Variants in WBP11 observed in about 807,000 individuals in gnomAD.
WBP11 encodes WW domain-binding protein 11.
WBP11 carries 12 observed loss-of-function variants against 66.7 expected under a neutral mutation model. That is an observed-to-expected ratio of 0.18 (90% confidence interval 0.12 to 0.29). WBP11 has a LOEUF of 0.29. Ranked by LOEUF, WBP11 falls within the 10% of genes least tolerant of loss-of-function variation. WBP11 has a pLI of 1.00. For missense variants in WBP11, 555 were observed against 818.3 expected (o/e 0.68, Z 3.93); for synonymous variants, 255 against 273.8 (o/e 0.93, Z 0.68).
At position 14,791,254 on chromosome 12, in the gene WBP11, A is replaced by T; in HGVS notation, c.930T>A (p.Phe310Leu). Residue 310 changes from phenylalanine (F) to leucine (L), a missense_variant, in exon 9 of 12, where the codon TTT becomes TTA. Physicochemically the swap from Phe to Leu is conservative, Grantham distance 22. Around this residue, in one of 6 missense-constraint regions of WBP11, gnomAD observed 220 missense variants for 268.2 expected, o/e 0.82. Transcript: ENST00000261167. ...EEKKSGLSVR[F>L]ADMPGKSRKK... ...TCCTTGATTTTCCAGGCATATCTGCAAACCGTACACTCAGACCTAAGGGGA... is the reference window on the plus strand; with the variant it reads ...TCCTTGATTTTCCAGGCATATCTGCTAACCGTACACTCAGACCTAAGGGGA... The T allele has an allele frequency of 6.2e-7, 1 of 1,614,096 alleles. No homozygotes were observed. Among genetic ancestry groups the T allele is most frequent in the Non-Finnish European group, 8.5e-7 (1 of 1,179,992 alleles).
In WBP11 at chr12:14,794,649, G is replaced by A; in HGVS notation, c.609C>T (p.Pro203=). The change falls in exon 7 of 12, where the codon CCC becomes CCT. Residue 203 remains proline (P), a synonymous_variant. Coordinates refer to ENST00000261167, the MANE Select transcript of WBP11 (RefSeq NM_016312.3). ...LPPGRKPPGP[P]PGPPPPQVVQ... ...CGACTTGAGGAGGAGGTGGACCAGG[G>A]GGAGGGCCAGGAGGTTTTCTGCCAG... 2 of 1,613,736 alleles carry A rather than the reference G, an allele frequency of 1.2e-6. No homozygotes were observed. Among genetic ancestry groups the A allele is most frequent in the East Asian group, 2.2e-5 (1 of 44,856 alleles).
At chr12:14,788,174 G>A (rs1450810056) in intron 11 of WBP11, among the ~76,000 whole-genome samples, 1 of 152,184 alleles carries the variant, frequency 6.6e-6, no homozygotes. Flanking sequence ...AGGAGGCGGA[G>A]GTTGCAGTGA....
chr12:14,801,234 A>G (rs1194044482), intron 2 of WBP11, 86 bp downstream of exon 2: 4 of 1,357,762 alleles, frequency 2.9e-6, no homozygotes, highest in Non-Finnish European at 4.2e-6. Flanking sequence ...CTGGTCTTGT[A>G]ATTAAGCCAC....
chr12:14,785,544 A>G lies in WBP11; in HGVS notation c.*1521T>C, dbSNP rs1319333372. On this transcript the variant is annotated 3_prime_UTR_variant, in exon 12 of 12. Coordinates refer to ENST00000261167, the MANE Select transcript of WBP11 (RefSeq NM_016312.3). The stretch of plus-strand genomic sequence containing the variant: ...CTAAAAAACCAACCCAAAACGGTCT[A>G]TTTAGTGCTTTGGCAGGATTTGCTT... 1 of 152,194 alleles carries G rather than the reference A, an allele frequency of 6.6e-6. No individual in the cohort carries two copies. The highest frequency in any genetic ancestry group is 1.5e-5 in the Non-Finnish European group (1 of 68,014). The allele number at this position is 152,194 out of a possible 1,614,324, so 9.4% of individuals were successfully genotyped here.
intron 1 of WBP11, among the ~76,000 whole-genome samples, chr12:14,802,919 T>C (rs1949983403): frequency 6.6e-6 from 1 of 152,112 alleles, no homozygotes. Context: ...GGAGCTTAAG[T>C]CTGCAGATTA....
chr12:14,801,374 T>C lies in WBP11; in HGVS notation c.10A>G (p.Arg4Gly). The change falls in exon 2 of 12, where the codon AGA becomes GGA. Residue 4 changes from arginine (R) to glycine (G), a missense_variant. Transcript: ENST00000261167. MGR[R>G]STSSTKSGKF... ...CCACTCTTGGTGGATGATGTAGATC[T>C]CCGTCCCATGTTGACAATTTGTATG... The C allele has an allele frequency of 6.2e-7, 1 of 1,613,230 alleles. No homozygotes were observed. Among genetic ancestry groups the C allele is most frequent in the Non-Finnish European group, 8.5e-7 (1 of 1,179,638 alleles).
At chr12:14,793,139 A>G (rs1021975972) in intron 8 of WBP11, among the ~76,000 whole-genome samples, 2 of 152,218 alleles carry the variant, frequency 1.3e-5, no homozygotes, top group Non-Finnish European at 2.9e-5. Flanking sequence ...AAACAATCCC[A>G]AAAGAAGCTC....
At position 14,785,770 on chromosome 12, in the gene WBP11, T is replaced by A. The variant is rs1322956693; in HGVS notation, c.*1295A>T. 1 of 152,332 alleles carries A rather than the reference T, an allele frequency of 6.6e-6. No individual in the cohort carries two copies. The allele number at this position is 152,332 out of a possible 1,614,324, so 9.4% of individuals were successfully genotyped here. ...ATTTGAGATACTGTGGAAAGTAACGTATGCCTAAACAATGCACGCACTGTG... is the reference window on the plus strand; with the variant it reads ...ATTTGAGATACTGTGGAAAGTAACGAATGCCTAAACAATGCACGCACTGTG... On this transcript the variant is annotated 3_prime_UTR_variant, in exon 12 of 12. Transcript: ENST00000261167.
intron 1 of WBP11, among the ~76,000 whole-genome samples, chr12:14,802,773 A>C (rs527272268): frequency 6.6e-6 from 1 of 152,184 alleles, no homozygotes; most frequent in African/African-American, 2.4e-5. Flanking sequence ...GTACATATAC[A>C]AGCTCTCCCA....
Position 14,786,180 on chromosome 12 carries a change from G to A in WBP11, c.*885C>T, listed in dbSNP as rs1949752548. 1 of 152,154 alleles carries A rather than the reference G, an allele frequency of 6.6e-6. No homozygotes were observed. Among genetic ancestry groups the A allele is most frequent in the Non-Finnish European group, 1.5e-5 (1 of 68,008 alleles). The allele number at this position is 152,154 out of a possible 1,614,324, so 9.4% of individuals were successfully genotyped here. ...TGCCATTCAACTCGTATCAGTTCAA[G>A]AAGCTCTGGAATAAGTAACCACTGA... is the stretch of plus-strand genomic sequence containing the variant. On this transcript the variant is annotated 3_prime_UTR_variant, in exon 12 of 12. Transcript: ENST00000261167.
chr12:14,793,054 GAC>G (rs1949840064), intron 8 of WBP11, among the ~76,000 whole-genome samples: 1 of 151,892 alleles, frequency 6.6e-6, no homozygotes, highest in South Asian at 2.1e-4. Context: ...TGATTCTTAA[GAC>G]ACAGCAGGAG....
chr12:14,795,542 C>T (rs1167624221), intron 5 of WBP11, among the ~76,000 whole-genome samples: 1 of 152,000 alleles, frequency 6.6e-6, no homozygotes, highest in African/African-American at 2.4e-5. Context: ...CCAGCCTGGC[C>T]AATATGGTGA....
intron 4 of WBP11, among the ~76,000 whole-genome samples, chr12:14,798,955 A>C (rs952603810): frequency 6.6e-6 from 1 of 152,178 alleles, no homozygotes; most frequent in African/African-American, 2.4e-5. Flanking sequence ...AACAGAATGG[A>C]TATTTGTGGG....
intron 8 of WBP11, 42 bp from the exon 9 acceptor site, chr12:14,791,312 A>G: frequency 6.5e-7 from 1 of 1,544,068 alleles, no homozygotes; most frequent in African/African-American, 1.4e-5. Context: ...TGGCATCAAC[A>G]AAATTCAGTA....
At position 14,785,420 on chromosome 12, in the gene WBP11, CG is replaced by C. The variant is rs1953514383; in HGVS notation, c.*1644del. 6.6e-6 allele frequency: 1 copy of C among 152,004 alleles called. No individual in the cohort carries two copies. Among genetic ancestry groups the C allele is most frequent in the South Asian group, 2.1e-4 (1 of 4,818 alleles). The allele number at this position is 152,004 out of a possible 1,614,324, so 9.4% of individuals were successfully genotyped here. On this transcript the variant is annotated 3_prime_UTR_variant, in exon 12 of 12. Transcript: ENST00000261167. ...ACCATATGGTTTGATCCTTGATATCCGTAAGTTATCAAGGATGGTGTCAAGG... is the reference window on the plus strand; with the variant it reads ...ACCATATGGTTTGATCCTTGATATCCTAAGTTATCAAGGATGGTGTCAAGG...
intron 3 of WBP11, 125 bp from the exon 4 acceptor site, chr12:14,799,853 A>C: frequency 1.2e-6 from 1 of 841,170 alleles, no homozygotes; most frequent in African/African-American, 1.8e-5. Flanking sequence ...CACCAGAAAC[A>C]GCTATGTAAT....
intron 8 of WBP11, among the ~76,000 whole-genome samples, chr12:14,792,884 AAAG>A (rs1374731607): frequency 3.3e-5 from 5 of 151,962 alleles, no homozygotes; most frequent in African/African-American, 9.7e-5. Flanking sequence ...AATAAAAGGA[AAAG>A]AAGGCAAGAG....
In WBP11 at chr12:14,796,490, C is replaced by T. The variant is rs1189782017; in HGVS notation, c.387+317G>A. On this transcript the variant is annotated intron_variant, in intron 5 of 11. Transcript: ENST00000261167. This position sits in a 1 kb window ranked among gnomAD's most constrained non-coding sequence, Gnocchi z 4.5. ...CTGAATATCTAAAATGCTCCAAAATCCTAAACTTTTTGACTCCCATATGAT... is the reference window on the plus strand; with the variant it reads ...CTGAATATCTAAAATGCTCCAAAATTCTAAACTTTTTGACTCCCATATGAT... Among the ~76,000 whole-genome samples, 4 of 152,062 alleles carry T rather than the reference C, an allele frequency of 2.6e-5. No individual in the cohort carries two copies. Among genetic ancestry groups the T allele is most frequent in the African/African-American group, 9.7e-5 (4 of 41,418 alleles).
intron 1 of WBP11, among the ~76,000 whole-genome samples, 180 bp downstream of exon 1, chr12:14,803,172 C>T (rs1949991417): frequency 6.6e-6 from 1 of 152,160 alleles, no homozygotes; most frequent in African/African-American, 2.4e-5. Flanking sequence ...ATGCCAACCG[C>T]GCAACCACTG....
Sources: gnomAD v4.1 joint callset for allele counts (sites outside exome capture counted in the v4.1 genomes callset) on GRCh38, gnomAD v4.1.1 for gene constraint, gnomAD v4.1.1 regional missense constraint, Gnocchi (gnomAD v3.1) non-coding constraint, MANE v1.5 for transcripts, NCBI Gene and HGNC (gene_info 2026-07-23, HGNC 2026-07-21) for gene names.